Variants in POLR1D observed in about 807,000 individuals in gnomAD.
The protein encoded by POLR1D is DNA-directed RNA polymerases I and III subunit RPAC2.
POLR1D carries 8 observed loss-of-function variants against 10.8 expected under a neutral mutation model. That is an observed-to-expected ratio of 0.74 (90% CI 0.43 to 1.33). The LOEUF is 1.33. Ranked by LOEUF, POLR1D falls within the 40% of genes most tolerant of loss-of-function variation. The pLI, the probability that POLR1D is intolerant of heterozygous loss-of-function variation, is 0.01. For missense variants in POLR1D, 152 were observed against 161.7 expected, an observed-to-expected ratio of 0.94 and a Z score of 0.32; for synonymous variants, 54 against 57.2, an observed-to-expected ratio of 0.94 and a Z score of 0.25.
exon 3 of POLR1D, chr13:27,665,898 C>A: frequency 6.2e-7 from 1 of 1,614,184 alleles, no homozygotes; most frequent in Non-Finnish European, 8.5e-7. Flanking sequence ...AGTTACTCCC[C>A]GCCACGAAAG....
At chr13:27,638,908 A>G (rs973140602) in intron 1 of POLR1D, among the ~76,000 whole-genome samples, 2 of 152,118 alleles carry the variant, frequency 1.3e-5, no homozygotes, top group Non-Finnish European at 2.9e-5. Context: ...ATTAAAAAAA[A>G]GCTGTAGAGG....
intron 1 of POLR1D, among the ~76,000 whole-genome samples, chr13:27,638,262 A>G (rs1956144461): frequency 6.6e-6 from 1 of 152,146 alleles, no homozygotes; most frequent in Non-Finnish European, 1.5e-5. Flanking sequence ...CTGTCACTGA[A>G]CCTGTGATGT....
chr13:27,627,185 C>A (rs553027883), downstream of POLR1D, among the ~76,000 whole-genome samples: 1 of 152,288 alleles, frequency 6.6e-6, no homozygotes, highest in Admixed American at 6.5e-5. Context: ...CTTATTAAGA[C>A]CCCCAAACCC....
At chr13:27,632,725 A>G (rs1956086733) in intron 1 of POLR1D, among the ~76,000 whole-genome samples, 1 of 138,206 alleles carries the variant, frequency 7.2e-6, no homozygotes, top group Non-Finnish European at 1.5e-5. Context: ...TTACCTTTTT[A>G]TTATATTCAT....
chr13:27,634,876 TG>T (rs1242638149), intron 1 of POLR1D, among the ~76,000 whole-genome samples: 1 of 151,972 alleles, frequency 6.6e-6, no homozygotes, highest in Non-Finnish European at 1.5e-5. Flanking sequence ...GGGTTTTGCA[TG>T]TTGCCCAGCC....
chr13:27,656,160 A>G (rs953202620), intron 2 of POLR1D, among the ~76,000 whole-genome samples: 1 of 152,216 alleles, frequency 6.6e-6, no homozygotes, highest in African/African-American at 2.4e-5. Context: ...GGCAGATTCA[A>G]CCATGTCATA....
intron 1 of POLR1D, among the ~76,000 whole-genome samples, chr13:27,645,691 A>G (rs1258658904): frequency 2.0e-5 from 3 of 152,144 alleles, no homozygotes; most frequent in Non-Finnish European, 2.9e-5. Context: ...CAGTGGGAAC[A>G]CGGTAGACAA....
At chr13:27,654,063 A>G (rs1326945087) in intron 2 of POLR1D, among the ~76,000 whole-genome samples, 2 of 152,208 alleles carry the variant, frequency 1.3e-5, no homozygotes, top group Non-Finnish European at 2.9e-5. Flanking sequence ...CAGAGCAAGA[A>G]CTATGATTGA....
chr13:27,633,430 A>G (rs2138535243), intron 1 of POLR1D, among the ~76,000 whole-genome samples: 1 of 152,322 alleles, frequency 6.6e-6, no homozygotes, highest in African/African-American at 2.4e-5. Context: ...AAAAAAATCT[A>G]ATGGGGTGAA....
At chr13:27,622,392 C>T (rs1480279827) in intron 1 of POLR1D, 2 of 330,790 alleles carry the variant, frequency 6.0e-6, no homozygotes, top group Non-Finnish European at 1.1e-5. Context: ...AGCTCTTTTT[C>T]TCCCTGCTGC....
chr13:27,646,000 A>G (rs529746677), intron 1 of POLR1D, among the ~76,000 whole-genome samples: 2 of 152,304 alleles, frequency 1.3e-5, no homozygotes, highest in African/African-American at 4.8e-5. Context: ...CTGCAGATGT[A>G]TAGCATTTCA....
chr13:27,652,942 C>T (rs1453072834), intron 2 of POLR1D, among the ~76,000 whole-genome samples: 1 of 85,574 alleles, frequency 1.2e-5, no homozygotes, highest in African/African-American at 5.9e-5. Context: ...TTTTTTGAGA[C>T]GGAGTCTTGC....
chr13:27,630,396 T>A (rs1277903516), intron 1 of POLR1D, among the ~76,000 whole-genome samples: 1 of 152,222 alleles, frequency 6.6e-6, no homozygotes, highest in Non-Finnish European at 1.5e-5. Flanking sequence ...GCCTGGAGCA[T>A]CTAATTACAC....
At chr13:27,630,525 G>A (rs962474177) in intron 1 of POLR1D, among the ~76,000 whole-genome samples, 1 of 152,138 alleles carries the variant, frequency 6.6e-6, no homozygotes, top group Non-Finnish European at 1.5e-5. Flanking sequence ...GCAGTGTTGT[G>A]TAGAGGCGAA....
chr13:27,642,933 C>T (rs17085841), intron 1 of POLR1D, among the ~76,000 whole-genome samples: 3,087 of 152,268 alleles, frequency 0.02, 106 homozygotes, highest in African/African-American at 0.07. Flanking sequence ...AACAAAGGAT[C>T]TCATTAATTT....
intron 2 of POLR1D, among the ~76,000 whole-genome samples, chr13:27,659,901 C>T (rs1956344839): frequency 9.1e-6 from 1 of 109,540 alleles, no homozygotes. Context: ...TTGCATATCT[C>T]AGGTGTATAT....
At chr13:27,645,853 G>C (rs980178097) in intron 1 of POLR1D, among the ~76,000 whole-genome samples, 2 of 152,132 alleles carry the variant, frequency 1.3e-5, no homozygotes, top group African/African-American at 4.8e-5. Flanking sequence ...AAGCGTGCCA[G>C]GTAAAATTAA....
chr13:27,627,816 A>G (rs1340100254), downstream of POLR1D, among the ~76,000 whole-genome samples: 1 of 146,502 alleles, frequency 6.8e-6, no homozygotes, highest in African/African-American at 2.5e-5. Flanking sequence ...AACTGGGGAC[A>G]TTTGTAATAG....
At chr13:27,647,454 T>A (rs1305793089) in intron 1 of POLR1D, among the ~76,000 whole-genome samples, 1 of 152,034 alleles carries the variant, frequency 6.6e-6, no homozygotes, top group Non-Finnish European at 1.5e-5. Context: ...AACTCCTGGC[T>A]TCAGGTGATC....
Sources: gnomAD v4.1 joint callset for allele counts (sites outside exome capture counted in the v4.1 genomes callset) on GRCh38, gnomAD v4.1.1 for gene constraint, MANE v1.5 for transcripts, NCBI Gene and HGNC (gene_info 2026-07-23, HGNC 2026-07-21) for gene names.